The following DNM3 variants were observed in gnomAD, a reference collection of about 807,000 sequenced individuals.
The protein encoded by DNM3 is dynamin 3.
Under a neutral mutation model 101.6 loss-of-function variants are expected in DNM3, and 47 were observed. The observed-to-expected ratio is 0.46, with a 90% CI of 0.37 to 0.59. The LOEUF is 0.59. DNM3 is among the 20% of genes least tolerant of loss of function. The pLI, the probability that DNM3 is intolerant of heterozygous loss-of-function variation, is 0.00. For missense variants in DNM3, 849 were observed against 1,085.7 expected, an observed-to-expected ratio of 0.78 and a Z score of 3.06; for synonymous variants, 385 against 387.9, an observed-to-expected ratio of 0.99 and a Z score of 0.09.
intron 15 of DNM3, among the ~76,000 whole-genome samples, chr1:172,256,874 C>A (rs1214854622): frequency 6.6e-6 from 1 of 150,376 alleles, no homozygotes; most frequent in Non-Finnish European, 1.5e-5. Context: ...AATTTTATTA[C>A]CATTCAGTTC....
At chr1:172,166,688 A>G (rs185741830) in intron 14 of DNM3, among the ~76,000 whole-genome samples, 12 of 152,098 alleles carry the variant, frequency 7.9e-5, no homozygotes, top group African/African-American at 2.9e-4. Context: ...GAATAATTAC[A>G]TTTCCCCATC....
At chr1:172,085,190 G>T (rs1193711440) in intron 12 of DNM3, among the ~76,000 whole-genome samples, 1 of 151,180 alleles carries the variant, frequency 6.6e-6, no homozygotes, top group Non-Finnish European at 1.5e-5. Flanking sequence ...CAGCATTTCA[G>T]AAGAAAACGT....
intron 14 of DNM3, among the ~76,000 whole-genome samples, chr1:172,234,721 A>G (rs2061471265): frequency 3.1e-5 from 4 of 127,928 alleles, no homozygotes; most frequent in Non-Finnish European, 6.9e-5. Context: ...GCCCTCAGAA[A>G]TAATGCCACA....
chr1:172,058,646 A>G (rs1416626644), intron 10 of DNM3, among the ~76,000 whole-genome samples: 5 of 152,206 alleles, frequency 3.3e-5, no homozygotes, highest in African/African-American at 7.2e-5. Context: ...TTTGAAACCA[A>G]GGAGGACAAA....
At chr1:172,019,418 CT>C (rs55837580) in intron 4 of DNM3, among the ~76,000 whole-genome samples, 44,710 of 144,950 alleles carry the variant, frequency 0.31, 7,569 homozygotes, top group African/African-American at 0.48. Context: ...TTTATTTTTG[CT>C]TTTTTTTTTT....
chr1:171,967,778 C>T (rs2043692966), intron 2 of DNM3, among the ~76,000 whole-genome samples: 1 of 152,072 alleles, frequency 6.6e-6, no homozygotes, highest in South Asian at 2.1e-4. Context: ...CAGTTCTGTC[C>T]ACCCCTTACC....
At chr1:172,200,903 C>A (rs890571389) in intron 14 of DNM3, among the ~76,000 whole-genome samples, 11 of 152,062 alleles carry the variant, frequency 7.2e-5, no homozygotes, top group African/African-American at 1.2e-4. Flanking sequence ...TCATTACAGC[C>A]CGTTCAGCCT....
chr1:172,193,448 T>G (rs895719756), intron 14 of DNM3, among the ~76,000 whole-genome samples: 11 of 152,218 alleles, frequency 7.2e-5, no homozygotes, highest in African/African-American at 2.6e-4. Flanking sequence ...CCAGCTCCTC[T>G]TTCTACCTCT....
chr1:172,335,878 C>G (rs1203516731), intron 17 of DNM3, among the ~76,000 whole-genome samples: 3 of 152,038 alleles, frequency 2.0e-5, no homozygotes, highest in African/African-American at 7.2e-5. Context: ...ATTTGGACCC[C>G]AAACCTCAGC....
At chr1:171,867,709 A>T (rs1246993837) in intron 1 of DNM3, among the ~76,000 whole-genome samples, 1 of 151,960 alleles carries the variant, frequency 6.6e-6, no homozygotes, top group Non-Finnish European at 1.5e-5. Context: ...TGGGTTCCAA[A>T]CTCACATGAC....
intron 13 of DNM3, among the ~76,000 whole-genome samples, chr1:172,095,729 G>A (rs1384187729): frequency 6.6e-6 from 1 of 152,222 alleles, no homozygotes; most frequent in East Asian, 1.9e-4. Flanking sequence ...TTGTTGTGCA[G>A]CATCTGTTCT....
At chr1:172,126,799 T>A (rs1410979730) in intron 13 of DNM3, among the ~76,000 whole-genome samples, 1 of 152,068 alleles carries the variant, frequency 6.6e-6, no homozygotes, top group Non-Finnish European at 1.5e-5. Flanking sequence ...CCTGACCTTA[T>A]TTCTCTGCTT....
In DNM3 at chr1:172,395,257, G is replaced by C. The variant is rs576158216; in HGVS notation, c.2522+6448G>C. On this transcript the variant is annotated intron_variant, in intron 20 of 20. Coordinates refer to ENST00000627582, the MANE Select transcript of DNM3 (RefSeq NM_015569.5). The stretch of plus-strand genomic sequence containing the variant: ...GTGGTCTCGGCTCACTGCAACCCCT[G>C]CCTCCTGGCTTCAAGCGATTCTCCT... 9.4e-4 allele frequency among the ~76,000 whole-genome samples: 140 copies of C among 149,646 alleles called. No individual in the cohort carries two copies. The Middle Eastern group carries it at 0.017, about 18-fold the overall frequency.
chr1:172,277,471 A>C (rs1439500960), intron 15 of DNM3, among the ~76,000 whole-genome samples: 6 of 152,088 alleles, frequency 3.9e-5, no homozygotes, highest in African/African-American at 1.4e-4. Context: ...GATCAAAGGC[A>C]GTGAGTGTAG....
intron 18 of DNM3, among the ~76,000 whole-genome samples, chr1:172,382,642 C>G (rs527240117): frequency 2.6e-5 from 4 of 152,090 alleles, no homozygotes; most frequent in Non-Finnish European, 5.9e-5. Flanking sequence ...TAAGTCAGCC[C>G]TCTCCAACTA....
chr1:172,231,121 A>G (rs1417452536), intron 14 of DNM3, among the ~76,000 whole-genome samples: 2 of 149,486 alleles, frequency 1.3e-5, no homozygotes, highest in African/African-American at 4.9e-5. Context: ...TGGATATCCA[A>G]CTACCCTACT....
At chr1:172,058,608 C>T (rs1254699301) in intron 10 of DNM3, among the ~76,000 whole-genome samples, 1 of 152,052 alleles carries the variant, frequency 6.6e-6, no homozygotes, top group Non-Finnish European at 1.5e-5. Context: ...GGGTACATAA[C>T]GAAATGAAGG....
At chr1:172,307,184 A>C (rs1012285356) in intron 15 of DNM3, among the ~76,000 whole-genome samples, 1 of 152,242 alleles carries the variant, frequency 6.6e-6, no homozygotes, top group Non-Finnish European at 1.5e-5. Context: ...TTTTACCAGA[A>C]AAAATAAACA....
chr1:172,390,961 C>A (rs534306108), intron 20 of DNM3, among the ~76,000 whole-genome samples: 1 of 152,112 alleles, frequency 6.6e-6, no homozygotes, highest in Non-Finnish European at 1.5e-5. Context: ...CTTGCCAGTA[C>A]CCTTCAGAAA....
Sources: gnomAD v4.1 joint callset for allele counts (sites outside exome capture counted in the v4.1 genomes callset) on GRCh38, gnomAD v4.1.1 for gene constraint, MANE v1.5 for transcripts, NCBI Gene and HGNC (gene_info 2026-07-23, HGNC 2026-07-21) for gene names.